Variants in PTPRD observed in about 807,000 individuals in gnomAD.
PTPRD encodes the protein receptor-type tyrosine-protein phosphatase delta.
PTPRD carries 34 observed loss-of-function variants against 214.5 expected under a neutral mutation model. The observed-to-expected ratio is 0.16, with a 90% confidence interval of 0.12 to 0.21. PTPRD has a LOEUF of 0.21. PTPRD is among the 10% of genes least tolerant of loss of function. The pLI is 1.00. For synonymous variants in PTPRD, 1,128 were observed against 845.7 expected (o/e 1.33, Z -5.79); for missense variants, 2,545 against 2,398.7 (o/e 1.06, Z -1.27).
intron 8 of PTPRD, among the ~76,000 whole-genome samples, chr9:9,560,314 C>T (rs975805602): frequency 1.3e-5 from 2 of 152,226 alleles, no homozygotes; most frequent in Non-Finnish European, 2.9e-5. Flanking sequence ...TGGTGGAATA[C>T]AGGGCGAGCC....
chr9:9,415,724 A>C (rs892444811), intron 8 of PTPRD, among the ~76,000 whole-genome samples: 1 of 152,204 alleles, frequency 6.6e-6, no homozygotes, highest in Admixed American at 6.5e-5. Context: ...AAAGTACTCA[A>C]GTAGTTCTCA....
At chr9:9,213,782 T>TCACAG (rs1281667209) in intron 9 of PTPRD, among the ~76,000 whole-genome samples, 1 of 152,090 alleles carries the variant, frequency 6.6e-6, no homozygotes, top group East Asian at 1.9e-4. Flanking sequence ...ATTCATCCCT[T>TCACAG]CACAGCATTC....
chr9:10,171,764 C>G (rs1371806583), intron 3 of PTPRD, among the ~76,000 whole-genome samples: 2 of 152,256 alleles, frequency 1.3e-5, no homozygotes, highest in East Asian at 3.9e-4. Context: ...ACCTTGTGAT[C>G]CACCCGCCGT....
At chr9:9,367,824 T>G (rs559798237) in intron 9 of PTPRD, among the ~76,000 whole-genome samples, 1 of 151,640 alleles carries the variant, frequency 6.6e-6, no homozygotes, top group Non-Finnish European at 1.5e-5. Flanking sequence ...AAGGTGACAT[T>G]TGTACAATCT....
At chr9:8,928,176 T>A (rs542296734) in intron 11 of PTPRD, among the ~76,000 whole-genome samples, 42 of 152,314 alleles carry the variant, frequency 2.8e-4, no homozygotes, top group African/African-American at 9.9e-4. Flanking sequence ...GACGATAGTT[T>A]CTTTTGCTGT....
At chr9:9,733,972 C>CAATAA (rs1322980682) in intron 7 of PTPRD, among the ~76,000 whole-genome samples, 4 of 152,096 alleles carry the variant, frequency 2.6e-5, no homozygotes, top group African/African-American at 4.8e-5. Flanking sequence ...CTATCTCAAC[C>CAATAA]AGTACAGCTT....
intron 4 of PTPRD, among the ~76,000 whole-genome samples, chr9:10,015,086 C>T (rs1430404881): frequency 2.0e-5 from 3 of 152,142 alleles, no homozygotes; most frequent in Non-Finnish European, 2.9e-5. Context: ...ATGGAACTCT[C>T]ACCACCTACC....
chr9:9,385,877 C>T (rs974116524), intron 9 of PTPRD, among the ~76,000 whole-genome samples: 6 of 152,080 alleles, frequency 3.9e-5, no homozygotes, highest in Non-Finnish European at 7.4e-5. Flanking sequence ...TCATTTAAGC[C>T]TAACTATGAC....
chr9:8,430,654 T>C (rs942174), intron 35 of PTPRD, among the ~76,000 whole-genome samples: 71,151 of 151,564 alleles, frequency 0.47, 17,181 homozygotes, highest in East Asian at 0.62. Context: ...AGTGGGGTAG[T>C]ACCTATAATT....
chr9:9,167,210 A>C (rs2099906043), intron 10 of PTPRD, among the ~76,000 whole-genome samples: 2 of 151,510 alleles, frequency 1.3e-5, no homozygotes, highest in Admixed American at 1.3e-4. Flanking sequence ...ATCAGATTGC[A>C]TTTTTTTTCT....
chr9:9,696,039 G>C (rs941958389), intron 7 of PTPRD, among the ~76,000 whole-genome samples: 1 of 151,970 alleles, frequency 6.6e-6, no homozygotes, highest in African/African-American at 2.4e-5. Flanking sequence ...TTTTTGATGG[G>C]AGACTTTTTA....
chr9:10,022,629 C>T (rs189303470), intron 4 of PTPRD, among the ~76,000 whole-genome samples: 251 of 152,246 alleles, frequency 1.6e-3, no homozygotes, highest in Non-Finnish European at 1.7e-3. Context: ...ACAATTTTTA[C>T]ACAGTGAGTA....
intron 2 of PTPRD, among the ~76,000 whole-genome samples, chr9:10,465,610 A>G (rs56172521): frequency 0.05 from 7,560 of 152,228 alleles, 651 homozygotes; most frequent in African/African-American, 0.17. Context: ...ACTGAAAAGC[A>G]TCACCTTTTC....
intron 5 of PTPRD, among the ~76,000 whole-genome samples, chr9:9,775,438 C>T (rs764079955): frequency 1.8e-4 from 28 of 152,254 alleles, no homozygotes; most frequent in Admixed American, 7.9e-4. Context: ...TCATTTCCCT[C>T]ATCATAGAAT....
intron 5 of PTPRD, among the ~76,000 whole-genome samples, chr9:9,789,072 C>A (rs1239094149): frequency 1.3e-5 from 2 of 152,176 alleles, no homozygotes; most frequent in Non-Finnish European, 2.9e-5. Flanking sequence ...TGGCTGGCTA[C>A]ATGGACATCT....
At chr9:8,508,530 T>C (rs2097586699) in intron 21 of PTPRD, among the ~76,000 whole-genome samples, 1 of 152,140 alleles carries the variant, frequency 6.6e-6, no homozygotes, top group Non-Finnish European at 1.5e-5. Context: ...TGGCTGAACA[T>C]ATGTTCATAT....
At chr9:9,920,036 G>A (rs530883358) in intron 5 of PTPRD, among the ~76,000 whole-genome samples, 5 of 151,910 alleles carry the variant, frequency 3.3e-5, no homozygotes, top group South Asian at 2.1e-4. Flanking sequence ...TACAATAAAC[G>A]GGATTTAACC....
intron 10 of PTPRD, among the ~76,000 whole-genome samples, chr9:9,119,180 CTTA>C (rs1309802665): frequency 6.6e-6 from 1 of 152,162 alleles, no homozygotes; most frequent in African/African-American, 2.4e-5. Flanking sequence ...TTGAGTTTAT[CTTA>C]TTATGACTCC....
At chr9:9,751,501 A>G (rs188725944) in intron 6 of PTPRD, among the ~76,000 whole-genome samples, 1 of 152,254 alleles carries the variant, frequency 6.6e-6, no homozygotes, top group Admixed American at 6.5e-5. Context: ...TGAAGTCCTA[A>G]CCACCAGTAC....
Sources: gnomAD v4.1 joint callset for allele counts (sites outside exome capture counted in the v4.1 genomes callset) on GRCh38, gnomAD v4.1.1 for gene constraint, MANE v1.5 for transcripts, NCBI Gene and HGNC (gene_info 2026-07-23, HGNC 2026-07-21) for gene names.